Variants in KIF3A observed in about 807,000 individuals in gnomAD.
KIF3A encodes the protein kinesin-like protein KIF3A.
In KIF3A, 27 loss-of-function variants were observed where a neutral mutation model predicts 92.6. The ratio of observed to expected loss-of-function variants is 0.29; its 90% CI spans 0.21 to 0.40. The LOEUF is 0.40. Ranked by LOEUF, KIF3A falls within the 10% of genes least tolerant of loss-of-function variation. The probability of loss-of-function intolerance (pLI) is 1.00; values close to 1 mark genes in which losing one functional copy is unlikely to be tolerated. For synonymous variants in KIF3A, 250 were observed against 275.4 expected, an observed-to-expected ratio of 0.91 and a Z score of 0.92; for missense variants, 581 against 872.6, an observed-to-expected ratio of 0.67 and a Z score of 4.21.
Position 132,700,673 on chromosome 5 carries a change from T to C in KIF3A, c.1912A>G (p.Asn638Asp). The C allele has an allele frequency of 6.3e-7, 1 of 1,595,606 alleles. No individual in the cohort carries two copies. The highest frequency in any genetic ancestry group is 8.6e-7 in the Non-Finnish European group (1 of 1,163,380). The part of the protein sequence containing the change: ...QEMIENYVHW[N>D]EDIGEWQLKC... ...AGCTGCCATTCTCCTATGTCTTCAT[T>C]CCAATGGACATAGTTTTCAATCATT... Residue 638 changes from asparagine (N) to aspartate (D), a missense_variant, in exon 16 of 19, where the codon AAT (asparagine) becomes GAT (aspartate). Transcript: ENST00000403231.
intron 15 of KIF3A, among the ~76,000 whole-genome samples, chr5:132,701,537 AC>A (rs2149894317): frequency 6.7e-6 from 1 of 149,896 alleles, no homozygotes; most frequent in Non-Finnish European, 1.5e-5. Flanking sequence ...GTTAAAGTTT[AC>A]CAAAATGCAC....
At chr5:132,714,432 T>C (rs1753543102) in intron 8 of KIF3A, among the ~76,000 whole-genome samples, 1 of 152,236 alleles carries the variant, frequency 6.6e-6, no homozygotes, top group Non-Finnish European at 1.5e-5. Context: ...TATGCAAGTT[T>C]AACCACAATT....
At chr5:132,706,008 C>A (rs1166335955) in intron 11 of KIF3A, among the ~76,000 whole-genome samples, 4 of 151,898 alleles carry the variant, frequency 2.6e-5, no homozygotes, top group African/African-American at 4.8e-5. Context: ...TTTAACTAAA[C>A]CAGACATAAG....
At position 132,719,720 on chromosome 5, in the gene KIF3A, G is replaced by A. The variant is rs185226059; in HGVS notation, c.616+889C>T. Among the ~76,000 whole-genome samples the A allele has an allele frequency of 1.6e-3, 243 of 151,942 alleles. 1 individual carries two copies. The highest frequency in any genetic ancestry group is 5.5e-3 in the African/African-American group (229 of 41,416). On this transcript the variant is annotated intron_variant, in intron 5 of 18. Transcript: ENST00000403231. ...TTGGCCAGGCTGGTCTCAAACAAGT[G>A]ATCCACCCACCTCAGCCTCCCAAAG... is the stretch of plus-strand genomic sequence containing the variant.
chr5:132,697,086 C>G (rs1047702126), intron 18 of KIF3A, among the ~76,000 whole-genome samples: 1 of 152,208 alleles, frequency 6.6e-6, no homozygotes, highest in Admixed American at 6.5e-5. Context: ...ATACCTGATG[C>G]ATATGTAGGG....
At chr5:132,724,831 ATATATATATATATATATATATATATT>A (rs61716854) in intron 4 of KIF3A, among the ~76,000 whole-genome samples, 20,004 of 82,344 alleles carry the variant, frequency 0.24, 3,320 homozygotes, top group Non-Finnish European at 0.33. Context: ...ATATATATAT[ATATATATATATATATATATATATATT>A]AAAAAATCAT....
intron 14 of KIF3A, 89 bp downstream of exon 14, chr5:132,702,469 C>A (rs986259768): frequency 9.0e-6 from 7 of 778,172 alleles, no homozygotes; most frequent in Admixed American, 2.5e-5. Flanking sequence ...TATAAGCTCA[C>A]ATTATGATTA....
intron 12 of KIF3A, 121 bp from the exon 13 acceptor site, chr5:132,703,186 C>A: frequency 1.2e-6 from 1 of 856,906 alleles, no homozygotes; most frequent in Non-Finnish European, 1.8e-6. Context: ...TATGTAACAT[C>A]TCTGCCAAAT....
intron 13 of KIF3A, 54 bp downstream of exon 13, chr5:132,702,831 A>G: frequency 6.5e-7 from 1 of 1,542,394 alleles, no homozygotes; most frequent in Non-Finnish European, 8.9e-7. Flanking sequence ...TTTCCACTAG[A>G]AAAGTTAAAT....
chr5:132,695,031 T>C lies in KIF3A; in HGVS notation c.*1603A>G, dbSNP rs1161012771. On this transcript the variant is annotated 3_prime_UTR_variant, in exon 19 of 19. Transcript: ENST00000403231. The stretch of plus-strand genomic sequence containing the variant: ...TTAAACTAGGATTTAACAAAACTTA[T>C]TAAAATAATATTAATTTAATAAATA... The C allele has an allele frequency of 2.6e-5, 4 of 152,216 alleles. No individual in the cohort carries two copies. Among genetic ancestry groups the C allele is most frequent in the Non-Finnish European group, 4.4e-5 (3 of 68,046 alleles). 9.4% of individuals were successfully genotyped at this position (152,216 alleles called of 1,614,324 possible). A position where few individuals can be genotyped will look rare whatever the true frequency, so the allele number is the denominator to read the frequency against.
downstream of KIF3A, among the ~76,000 whole-genome samples, chr5:132,691,527 A>G (rs760294444): frequency 6.8e-6 from 1 of 147,400 alleles, no homozygotes; most frequent in Non-Finnish European, 1.5e-5. Context: ...ATCCTGGCCA[A>G]CAAGAGCCAA....
At chr5:132,716,176 A>C in intron 7 of KIF3A, 69 bp downstream of exon 7, 1 of 1,280,388 alleles carries the variant, frequency 7.8e-7, no homozygotes, top group Non-Finnish European at 1.1e-6. Context: ...TGTGATACGT[A>C]TCAATTATTG....
chr5:132,703,018 T>G lies in KIF3A; in HGVS notation c.1514A>C (p.Lys505Thr), dbSNP rs1753092996. Residue 505 changes from lysine (K) to threonine (T), a missense_variant, in exon 13 of 19, where the codon AAG becomes ACG. Transcript: ENST00000403231. ...CAAGTCAACCCCACCAACAATTACCTTCTTTTCCAGGGCAGATAATTTTTC... is the reference window on the plus strand; with the variant it reads ...CAAGTCAACCCCACCAACAATTACCGTCTTTTCCAGGGCAGATAATTTTTC... ...LLEKLSALEKKVIVGGVDLLA... is the reference protein window; with the variant it reads ...LLEKLSALEKTVIVGGVDLLA... 1 of 1,612,574 alleles carries G rather than the reference T, an allele frequency of 6.2e-7. No homozygotes were observed. Among genetic ancestry groups the G allele is most frequent in the East Asian group, 2.2e-5 (1 of 44,836 alleles).
At chr5:132,707,070 G>A (rs1224526211) in intron 10 of KIF3A, among the ~76,000 whole-genome samples, 2 of 150,820 alleles carry the variant, frequency 1.3e-5, no homozygotes, top group African/African-American at 2.4e-5. Flanking sequence ...AAGGTCTAAT[G>A]AAGAATTTTT....
chr5:132,734,466 C>G lies in KIF3A; in HGVS notation c.19G>C (p.Glu7Gln). ...ACATTATCGCAGCTTTCTGGCTTCTCTGATTTATTGATCTGTTGGAGATAA... is the reference window on the plus strand; with the variant it reads ...ACATTATCGCAGCTTTCTGGCTTCTGTGATTTATTGATCTGTTGGAGATAA... MPINKS[E>Q]KPESCDNVKV... The change falls in exon 2 of 19, where the codon GAG (glutamate) becomes CAG (glutamine). Residue 7 changes from glutamate (E) to glutamine (Q), a missense_variant. Physicochemically the swap from Glu to Gln is conservative, Grantham distance 29. Transcript: ENST00000403231. 6.2e-7 allele frequency: 1 copy of G among 1,610,828 alleles called. No homozygotes were observed. Among genetic ancestry groups the G allele is most frequent in the Non-Finnish European group, 8.5e-7 (1 of 1,178,904 alleles).
intron 10 of KIF3A, among the ~76,000 whole-genome samples, chr5:132,708,563 C>T (rs1753305418): frequency 6.6e-6 from 1 of 151,944 alleles, no homozygotes. Context: ...GTTACGTGTC[C>T]CTTATTCTGA....
chr5:132,726,402 G>A lies in KIF3A; in HGVS notation c.377C>T (p.Ser126Leu). 1 of 1,613,642 alleles carries A rather than the reference G, an allele frequency of 6.2e-7. No individual in the cohort carries two copies. Among genetic ancestry groups the A allele is most frequent in the Non-Finnish European group, 8.5e-7 (1 of 1,179,656 alleles). The change falls in exon 3 of 19, where the codon TCA becomes TTA. Residue 126 changes from serine (S) to leucine (L), a missense_variant. Physicochemically the swap from Ser to Leu is moderately radical, Grantham distance 145. Around this residue, in one of 5 missense-constraint regions of KIF3A, gnomAD observed 217 missense variants for 299.7 expected, o/e 0.72. Coordinates refer to ENST00000403231, the MANE Select transcript of KIF3A (RefSeq NM_001300791.2). ...AATATGACCAAATATGTGAGCAAAT[G>A]AATTGGGAATTATTCCTCTAAGTTC... Reference protein sequence around the residue: ...IPELRGIIPNSFAHIFGHIAK... With the variant: ...IPELRGIIPNLFAHIFGHIAK...
chr5:132,691,930 A>G (rs374992487), downstream of KIF3A, among the ~76,000 whole-genome samples: 5 of 150,012 alleles, frequency 3.3e-5, no homozygotes, highest in East Asian at 7.8e-4. Flanking sequence ...AAATAAAATA[A>G]TAAATAAAAT....
chr5:132,703,661 A>C (rs776406258), intron 11 of KIF3A, 42 bp from the exon 12 acceptor site: 17 of 1,467,706 alleles, frequency 1.2e-5, no homozygotes, highest in Non-Finnish European at 1.6e-5. Context: ...AAAATGAATC[A>C]ATGTTTCAGA....
Sources: gnomAD v4.1 joint callset for allele counts (sites outside exome capture counted in the v4.1 genomes callset) on GRCh38, gnomAD v4.1.1 for gene constraint, gnomAD v4.1.1 regional missense constraint, MANE v1.5 for transcripts, NCBI Gene and HGNC (gene_info 2026-07-23, HGNC 2026-07-21) for gene names.